Variants in SEMA6D observed in about 807,000 individuals in gnomAD.
SEMA6D encodes semaphorin 6D, also known as semaphorin-6D.
In SEMA6D, 35 loss-of-function variants were observed where a neutral mutation model predicts 106.6. The ratio of observed to expected loss-of-function variants is 0.33; its 90% CI spans 0.25 to 0.44. The LOEUF (loss-of-function observed/expected upper bound fraction) is 0.44. Among genes scored for constraint, SEMA6D ranks in the 20% least tolerant of loss-of-function variants. The pLI is 1.00. For synonymous variants in SEMA6D, 499 were observed against 487.7 expected (o/e 1.02, Z -0.31); for missense variants, 1,185 against 1,345.9 (o/e 0.88, Z 1.87).
intron 15 of SEMA6D, 87 bp downstream of exon 15, chr15:47,766,269 C>A: frequency 2.6e-6 from 3 of 1,172,150 alleles, no homozygotes; most frequent in Non-Finnish European, 2.4e-6. Context: ...TCCAATTATA[C>A]TACTTTTCTT....
chr15:47,213,723 G>T (rs1216212103), intron 1 of SEMA6D, among the ~76,000 whole-genome samples: 1 of 152,124 alleles, frequency 6.6e-6, no homozygotes, highest in Non-Finnish European at 1.5e-5. Context: ...TTTGGTGAAT[G>T]ACAAGGTTTG....
rs182283036 is a variant in SEMA6D, at chr15:47,236,602, A to G, written c.-239+52184A>G. Among the ~76,000 whole-genome samples, 177 of 152,298 alleles carry G rather than the reference A, an allele frequency of 1.2e-3. 2 individuals are homozygous for G. Among genetic ancestry groups the G allele is most frequent in the African/African-American group, 4.1e-3 (170 of 41,572 alleles). The stretch of plus-strand genomic sequence containing the variant: ...TCTAACATAAAGGATGAACAAAATT[A>G]TGAGTAAATAATTCTGCCTGTCTTC... On this transcript the variant is annotated intron_variant, in intron 1 of 19. Transcript: ENST00000558014.
chr15:47,618,610 T>C (rs1328665379), intron 4 of SEMA6D, among the ~76,000 whole-genome samples: 3 of 152,228 alleles, frequency 2.0e-5, no homozygotes. Flanking sequence ...ATAGAAATAG[T>C]AGAGTTAATC....
intron 1 of SEMA6D, among the ~76,000 whole-genome samples, chr15:47,263,286 G>T (rs998892491): frequency 2.0e-5 from 3 of 152,114 alleles, no homozygotes; most frequent in African/African-American, 7.2e-5. Context: ...GGAAATGTTT[G>T]CAAACTATGC....
chr15:47,335,429 A>G (rs1322523365), intron 1 of SEMA6D, among the ~76,000 whole-genome samples: 1 of 152,130 alleles, frequency 6.6e-6, no homozygotes, highest in Non-Finnish European at 1.5e-5. Context: ...GTCAGTTTAC[A>G]GTGAGAGGAG....
chr15:47,340,347 T>TA (rs78181284), intron 1 of SEMA6D, among the ~76,000 whole-genome samples: 157 of 143,194 alleles, frequency 1.1e-3, no homozygotes, highest in South Asian at 2.0e-3. Context: ...AGTGCTAACT[T>TA]AAAAAAAAAA....
rs1290364525 is a variant in SEMA6D at position 47,552,236 on chromosome 15, A to G, written c.-86-48629A>G. 2.0e-5 allele frequency among the ~76,000 whole-genome samples: 3 copies of G among 152,108 alleles called. No homozygotes were observed. In the East Asian group the frequency reaches 5.8e-4, roughly 29 times the overall value. On this transcript the variant is annotated intron_variant, in intron 3 of 19. Transcript: ENST00000558014. ...CAATACTAAAAATGTGCAATATAAA[A>G]TACTGAGGAAAACCACAAAATTATA...
chr15:47,677,380 G>A (rs1596604900), intron 4 of SEMA6D, among the ~76,000 whole-genome samples: 1 of 152,262 alleles, frequency 6.6e-6, no homozygotes, highest in East Asian at 1.9e-4. Flanking sequence ...CATCCCAAGA[G>A]ACCCAGGGAG....
chr15:47,763,934 C>G lies in SEMA6D; in HGVS notation c.832C>G (p.Leu278Val). The G allele has an allele frequency of 6.2e-7, 1 of 1,613,992 alleles. No individual in the cohort carries two copies. The highest frequency in any genetic ancestry group is 2.2e-5 in the East Asian group (1 of 44,870). The change falls in exon 10 of 19, where the codon CTA becomes GTA. Residue 278 changes from leucine (L) to valine (V), a missense_variant. Leu to Val is a conservative substitution (Grantham distance 32, BLOSUM62 1). This residue lies in a region of SEMA6D where 291 missense variants were observed against 423.8 expected (regional missense o/e 0.69). Transcript: ENST00000536845. Reference protein sequence around the residue: ...RVLEKHWTSFLKARLNCSVPG... With the variant: ...RVLEKHWTSFVKARLNCSVPG... The stretch of plus-strand genomic sequence containing the variant: ...CCTGGAGAAACACTGGACTTCATTT[C>G]TAAAGGCTCGGCTGAACTGTTCTGT...
intron 3 of SEMA6D, among the ~76,000 whole-genome samples, chr15:47,471,945 A>T (rs1253757014): frequency 2.0e-4 from 30 of 150,770 alleles, no homozygotes; most frequent in East Asian, 1.4e-3. Context: ...ACACACACAC[A>T]CACACACACA....
At chr15:47,717,883 C>A (rs2079184537) in intron 1 of SEMA6D, among the ~76,000 whole-genome samples, 191 bp downstream of exon 1, 1 of 138,454 alleles carries the variant, frequency 7.2e-6, no homozygotes, top group East Asian at 2.2e-4. Flanking sequence ...TGTGTGTTGC[C>A]ACTGGACAGT....
At position 47,641,075 on chromosome 15, in the gene SEMA6D, A is replaced by T. The variant is rs141012672; in HGVS notation, c.-55+40179A>T. 6.7e-4 allele frequency among the ~76,000 whole-genome samples: 102 copies of T among 152,170 alleles called. 2 individuals are homozygous for T. The highest frequency in any genetic ancestry group is 2.3e-3 in the African/African-American group (94 of 41,548). On this transcript the variant is annotated intron_variant, in intron 4 of 19. Coordinates refer to the SEMA6D transcript ENST00000558014. ...GCCAAGTTAAATGGAGCGGAGTGGG[A>T]GGGGGAGGAGTTGTTCCATTTCCCC...
At chr15:47,681,424 G>T (rs978903493) in intron 4 of SEMA6D, among the ~76,000 whole-genome samples, 10 of 152,174 alleles carry the variant, frequency 6.6e-5, no homozygotes, top group African/African-American at 9.6e-5. Context: ...AAAGTAGAAT[G>T]GTGGTTTCCA....
intron 1 of SEMA6D, among the ~76,000 whole-genome samples, chr15:47,342,742 C>G (rs189479581): frequency 1.4e-4 from 22 of 152,056 alleles, no homozygotes; most frequent in Admixed American, 1.2e-3. Flanking sequence ...ACAGTGTCTC[C>G]CTCTGTCACC....
chr15:47,524,479 G>T (rs1317058223), intron 3 of SEMA6D, among the ~76,000 whole-genome samples: 3 of 152,116 alleles, frequency 2.0e-5, no homozygotes, highest in Non-Finnish European at 4.4e-5. Flanking sequence ...AAATTAATGA[G>T]ATTTCTGCCA....
At chr15:47,647,996 AAAAG>A (rs1265523564) in intron 4 of SEMA6D, among the ~76,000 whole-genome samples, 2 of 152,170 alleles carry the variant, frequency 1.3e-5, no homozygotes, top group Non-Finnish European at 2.9e-5. Context: ...ACAGAAATGA[AAAAG>A]AAAAATGTAA....
chr15:47,408,929 A>T (rs1044568094), intron 1 of SEMA6D, among the ~76,000 whole-genome samples: 5 of 152,258 alleles, frequency 3.3e-5, no homozygotes, highest in Non-Finnish European at 7.4e-5. Context: ...CCCACTGGAC[A>T]CTCATCTGCA....
intron 1 of SEMA6D, among the ~76,000 whole-genome samples, chr15:47,240,525 A>T (rs1421083018): frequency 6.6e-6 from 1 of 152,104 alleles, no homozygotes; most frequent in Non-Finnish European, 1.5e-5. Flanking sequence ...CCTTTTTAAG[A>T]TCATTTCCAA....
At chr15:47,724,307 G>A (rs1377542635) in intron 1 of SEMA6D, among the ~76,000 whole-genome samples, 1 of 152,250 alleles carries the variant, frequency 6.6e-6, no homozygotes, top group East Asian at 1.9e-4. Flanking sequence ...GTACAAGTGG[G>A]TACAGGGCAG....
Sources: allele counts gnomAD v4.1 joint callset (sites outside exome capture counted in the v4.1 genomes callset), GRCh38; gene constraint gnomAD v4.1.1; regional missense constraint gnomAD v4.1.1; transcripts MANE v1.5; gene names NCBI Gene and HGNC (gene_info 2026-07-23, HGNC 2026-07-21).